Variants in CLDN14 observed in about 807,000 individuals in gnomAD.
CLDN14 encodes claudin-14.
In CLDN14, 2 loss-of-function variants were observed where a neutral mutation model predicts 2.1. The ratio of observed to expected loss-of-function variants is 0.96; its 90% CI spans 0.39 to 3.01. The LOEUF (loss-of-function observed/expected upper bound fraction) is 3.01. Among genes scored for constraint, CLDN14 ranks in the 30% most tolerant of loss-of-function variants. The probability of loss-of-function intolerance (pLI) is 0.09; values close to 1 mark genes in which losing one functional copy is unlikely to be tolerated. For synonymous variants in CLDN14, 136 were observed against 154.4 expected (o/e 0.88, Z 0.88); for missense variants, 298 against 328.0 (o/e 0.91, Z 0.71).
chr21:36,467,713 T>A (rs532139908), intron 1 of CLDN14, among the ~76,000 whole-genome samples: 1 of 152,188 alleles, frequency 6.6e-6, no homozygotes, highest in Non-Finnish European at 1.5e-5. Flanking sequence ...TTGAGTCCCT[T>A]ACTCTCCTTA....
intron 1 of CLDN14, among the ~76,000 whole-genome samples, chr21:36,543,851 C>T (rs1010512096): frequency 5.9e-5 from 9 of 152,106 alleles, no homozygotes; most frequent in East Asian, 3.8e-4. Context: ...GCTTCTGACA[C>T]GTAAACAGCC....
chr21:36,498,220 C>T lies in CLDN14; in HGVS notation c.-82+12143G>A, dbSNP rs113585361. On this transcript the variant is annotated intron_variant, in intron 2 of 2. Coordinates refer to the CLDN14 transcript ENST00000342108. This position sits in a 1 kb window ranked among gnomAD's most constrained non-coding sequence, Gnocchi z 4.9. ...TTTGCCATATTGGCCAGGCTGGTGT[C>T]GAACTCCTGACCTCAGGCGGTCCAC... Among the ~76,000 whole-genome samples the T allele has an allele frequency of 0.09, 13,744 of 152,166 alleles. 710 individuals are homozygous for T. The highest frequency in any genetic ancestry group is 0.14 in the Middle Eastern group (40 of 294).
At chr21:36,546,643 C>G (rs538970977) in intron 1 of CLDN14, among the ~76,000 whole-genome samples, 1 of 152,174 alleles carries the variant, frequency 6.6e-6, no homozygotes, top group Non-Finnish European at 1.5e-5. Flanking sequence ...AAACGCTTAC[C>G]TTTTTATTAC....
At chr21:36,475,378 C>T (rs1212269173) in intron 1 of CLDN14, among the ~76,000 whole-genome samples, 1 of 152,210 alleles carries the variant, frequency 6.6e-6, no homozygotes, top group Admixed American at 6.5e-5. Flanking sequence ...ATCAGTGGCT[C>T]TCCACCCTCC....
chr21:36,509,741 A>ACACGC (rs1208106484), intron 2 of CLDN14, among the ~76,000 whole-genome samples: 1 of 152,074 alleles, frequency 6.6e-6, no homozygotes, highest in East Asian at 1.9e-4. Flanking sequence ...GACTACAGGC[A>ACACGC]CACGCCACCA....
chr21:36,466,061 T>C (rs931154592), intron 1 of CLDN14, among the ~76,000 whole-genome samples: 1 of 152,168 alleles, frequency 6.6e-6, no homozygotes, highest in African/African-American at 2.4e-5. Flanking sequence ...AGGACACAAA[T>C]GTCAAATATG....
At chr21:36,509,393 A>C (rs1423525146) in intron 2 of CLDN14, among the ~76,000 whole-genome samples, 1 of 152,166 alleles carries the variant, frequency 6.6e-6, no homozygotes, top group East Asian at 1.9e-4. Context: ...TGCAGGGAAG[A>C]AGGAGTTAGA....
rs28491626 is a variant in CLDN14, at chr21:36,499,990, G to A, written c.-82+10373C>T. 1.1e-3 allele frequency among the ~76,000 whole-genome samples: 166 copies of A among 151,122 alleles called. 1 individual carries two copies. Among genetic ancestry groups the A allele is most frequent in the Non-Finnish European group, 1.4e-3 (93 of 67,722 alleles). ...CTACCTGTCTTCCAATGCGAGTCCC[G>A]CGAGGTGAAGAATTAGAGCATGTTG... On this transcript the variant is annotated intron_variant, in intron 2 of 2. Coordinates refer to the CLDN14 transcript ENST00000342108. This position sits in a 1 kb window ranked among gnomAD's most constrained non-coding sequence, Gnocchi z 4.7.
At chr21:36,528,046 A>G (rs2087348283) in intron 1 of CLDN14, among the ~76,000 whole-genome samples, 1 of 152,204 alleles carries the variant, frequency 6.6e-6, no homozygotes, top group Non-Finnish European at 1.5e-5. Flanking sequence ...TTTACTTTTA[A>G]AAATCTTAGT....
chr21:36,470,130 T>C (rs1222961836), intron 1 of CLDN14, among the ~76,000 whole-genome samples: 4 of 152,202 alleles, frequency 2.6e-5, no homozygotes, highest in Admixed American at 6.5e-5. Context: ...GGATGACTTA[T>C]GGTTAAGTGT....
In CLDN14 at chr21:36,569,286, C is replaced by T. The variant is rs926916880; in HGVS notation, c.-220+7125G>A. On this transcript the variant is annotated intron_variant, in intron 1 of 2. Transcript: ENST00000342108. ...CAAAAATTAGCCAGGCATGGTGGTGCATGTCTGTAGTTCCAGCTACTCAGG... is the reference window on the plus strand; with the variant it reads ...CAAAAATTAGCCAGGCATGGTGGTGTATGTCTGTAGTTCCAGCTACTCAGG... 3.3e-5 allele frequency among the ~76,000 whole-genome samples: 5 copies of T among 151,996 alleles called. No individual in the cohort carries two copies. In the South Asian group the frequency reaches 1.0e-3, roughly 32 times the overall value.
At chr21:36,534,548 T>A (rs2087409255) in intron 1 of CLDN14, among the ~76,000 whole-genome samples, 1 of 152,284 alleles carries the variant, frequency 6.6e-6, no homozygotes, top group Admixed American at 6.5e-5. Context: ...TCAACATGCC[T>A]TGTGTGTGGG....
chr21:36,553,289 C>T lies in CLDN14; in HGVS notation c.-220+23122G>A, dbSNP rs994159506. Among the ~76,000 whole-genome samples, 4 of 152,058 alleles carry T rather than the reference C, an allele frequency of 2.6e-5. No individual in the cohort carries two copies. The East Asian group carries it at 7.7e-4, about 29-fold the overall frequency. Reference sequence around the variant, plus strand: ...CCTTGGTTTCCTGAAGTAGGAGGTGCAAAAGGCGAGAGGAAGGGGAAGGTG... The same window carrying T: ...CCTTGGTTTCCTGAAGTAGGAGGTGTAAAAGGCGAGAGGAAGGGGAAGGTG... On this transcript the variant is annotated intron_variant, in intron 1 of 2. Coordinates refer to the CLDN14 transcript ENST00000342108.
intron 1 of CLDN14, among the ~76,000 whole-genome samples, chr21:36,553,022 C>T (rs1967676783): frequency 6.6e-6 from 1 of 152,170 alleles, no homozygotes; most frequent in Non-Finnish European, 1.5e-5. Context: ...CCACCTAGGG[C>T]CCAGCTGACG....
chr21:36,461,185 A>G lies in CLDN14; in HGVS notation c.511T>C (p.Ser171Pro), dbSNP rs1159596898. The change falls in exon 2 of 2, where the codon TCG becomes CCG. Residue 171 changes from serine (S) to proline (P), a missense_variant. Transcript: ENST00000399135. ...GTGCCACCAATGAGCGAGAGGGACG[A>G]GGAGATGAAGCCCAGGTACAGGGCC... The part of the protein sequence containing the change: ...GQALYLGFIS[S>P]SLSLIGGTLL... 1.2e-5 allele frequency: 20 copies of G among 1,613,872 alleles called. No homozygotes were observed. Among genetic ancestry groups the G allele is most frequent in the Non-Finnish European group, 1.6e-5 (19 of 1,179,858 alleles).
chr21:36,538,828 A>C (rs1039910106), intron 1 of CLDN14, among the ~76,000 whole-genome samples: 11 of 151,994 alleles, frequency 7.2e-5, no homozygotes, highest in Non-Finnish European at 1.2e-4. Context: ...AGTCTTCCTA[A>C]CTCTTCAGAG....
At chr21:36,549,597 C>A (rs990592269) in intron 1 of CLDN14, among the ~76,000 whole-genome samples, 29 of 152,200 alleles carry the variant, frequency 1.9e-4, no homozygotes, top group African/African-American at 6.0e-4. Context: ...GCGAGAATTA[C>A]TTCTGGGGGT....
intron 2 of CLDN14, among the ~76,000 whole-genome samples, chr21:36,509,008 C>T (rs73382018): frequency 0.047 from 7,141 of 152,336 alleles, 565 homozygotes; most frequent in African/African-American, 0.16. Flanking sequence ...CCCTTTCTTC[C>T]TGCTGGGCCT....
chr21:36,472,019 G>A (rs1030319789), intron 1 of CLDN14, among the ~76,000 whole-genome samples: 2 of 152,248 alleles, frequency 1.3e-5, no homozygotes, highest in Non-Finnish European at 2.9e-5. Flanking sequence ...GAGTGTTTAT[G>A]ATATGCCAAA....
Sources: allele counts gnomAD v4.1 joint callset (sites outside exome capture counted in the v4.1 genomes callset), GRCh38; gene constraint gnomAD v4.1.1; non-coding constraint Gnocchi (gnomAD v3.1); transcripts MANE v1.5; gene names NCBI Gene and HGNC (gene_info 2026-07-23, HGNC 2026-07-21).